Variants in NT5DC2 observed in about 807,000 individuals in gnomAD.
The protein encoded by NT5DC2 is 5'-nucleotidase domain-containing protein 2.
A neutral mutation model predicts 70.0 loss-of-function variants in NT5DC2; 41 were observed. The ratio of observed to expected loss-of-function variants is 0.59; its 90% CI spans 0.46 to 0.76. The LOEUF (loss-of-function observed/expected upper bound fraction) is 0.76. NT5DC2 is among the 30% of genes least tolerant of loss of function. The probability of loss-of-function intolerance (pLI) is 0.00; values close to 1 mark genes in which losing one functional copy is unlikely to be tolerated. For synonymous variants in NT5DC2, 299 were observed against 310.4 expected, an observed-to-expected ratio of 0.96 and a Z score of 0.39; for missense variants, 705 against 783.2, an observed-to-expected ratio of 0.90 and a Z score of 1.19.
Position 52,528,196 on chromosome 3 carries a change from TAG to T in NT5DC2, c.756_757del (p.Tyr253GlnfsTer33), listed in dbSNP as rs1171418118. The T allele has an allele frequency of 6.2e-7, 1 of 1,613,100 alleles. No individual in the cohort carries two copies. Among genetic ancestry groups the T allele is most frequent in the East Asian group, 2.2e-5 (1 of 44,892 alleles). On this transcript the variant is annotated frameshift_variant, in exon 6 of 14. Transcript: ENST00000422318. LOFTEE classifies it high-confidence loss of function. ...CAGCATCCTCACCGTCACGTCCTTG[TAG>T]AGATGTGCTTGGTCAAACTCCAGGC... is the stretch of plus-strand genomic sequence containing the variant.
chr3:52,527,645 T>G lies in NT5DC2; in HGVS notation c.1009A>C (p.Lys337Gln). Residue 337 changes from lysine to glutamine, a missense_variant, in exon 9 of 14, where the codon AAG becomes CAG. Physicochemically the swap from Lys to Gln is moderately conservative, Grantham distance 53. Transcript: ENST00000422318. ...CGCCGGTCAGTGAAGAAGCTGGGCT[T>G]GTCTGCCTGGACAATGACCACATCG... Reference protein sequence around the residue: ...LFDVVIVQADKPSFFTDRRKP... With the variant: ...LFDVVIVQADQPSFFTDRRKP... The G allele has an allele frequency of 6.2e-7, 1 of 1,613,144 alleles. No individual in the cohort carries two copies. The highest frequency in any genetic ancestry group is 8.5e-7 in the Non-Finnish European group (1 of 1,180,022).
At chr3:52,532,522 C>G (rs1164253055) in intron 1 of NT5DC2, 86 of 984,524 alleles carry the variant, frequency 8.7e-5, no homozygotes, top group Non-Finnish European at 8.6e-5. Flanking sequence ...AGTGAAAACC[C>G]CTGTCTAGCC....
rs1293099143 is a variant in NT5DC2 at position 52,529,541 on chromosome 3, C to G, written c.233-207G>C. 6.6e-6 allele frequency among the ~76,000 whole-genome samples: 1 copy of G among 152,100 alleles called. No individual in the cohort carries two copies. The highest frequency in any genetic ancestry group is 1.5e-5 in the Non-Finnish European group (1 of 68,002). On this transcript the variant is annotated intron_variant, in intron 1 of 13. Coordinates refer to ENST00000422318, the MANE Select transcript of NT5DC2 (RefSeq NM_001134231.2). This position sits in a 1 kb window ranked among gnomAD's most constrained non-coding sequence, Gnocchi z 4.1. ...ACGCAGTTAGGGTAAGGCAGAGCCC[C>G]TGGCTGGAGCTCCTCCTCATGGTTA...
rs1344689545 is a variant in NT5DC2 at position 52,524,729 on chromosome 3, C to T, written c.1415G>A (p.Cys472Tyr). ...CGCATTGAACAGGGCCTTGGTGATG[C>T]ACCTGGCGAGGGAGACACGATGCGC... Reference protein sequence around the residue: ...AWMKERQELRCITKALFNAQF... With the variant: ...AWMKERQELRYITKALFNAQF... Residue 472 changes from cysteine to tyrosine, a missense_variant and splice_region_variant, in exon 14 of 14, where the codon TGC becomes TAC. Physicochemically the swap from Cys to Tyr is radical, Grantham distance 194. Coordinates refer to ENST00000422318, the MANE Select transcript of NT5DC2 (RefSeq NM_001134231.2). 1 of 1,612,656 alleles carries T rather than the reference C, an allele frequency of 6.2e-7. No individual in the cohort carries two copies. The highest frequency in any genetic ancestry group is 2.2e-5 in the East Asian group (1 of 44,866).
rs1408096418 is a variant in NT5DC2, at chr3:52,529,443, C to G, written c.233-109G>C. The G allele has an allele frequency of 1.0e-6, 1 of 997,256 alleles. No individual in the cohort carries two copies. The highest frequency in any genetic ancestry group is 1.5e-6 in the Non-Finnish European group (1 of 667,800). The allele number at this position is 997,256 out of a possible 1,614,324, so 61.8% of individuals were successfully genotyped here. ...TAGCCCTGTGAGCCTCAGAAACGCC[C>G]CACAATGGCACCTCTTATTCCAGTG... On this transcript the variant is annotated intron_variant, in intron 1 of 13. Transcript: ENST00000422318. The surrounding 1 kb of genome is among the most constrained non-coding windows in gnomAD (Gnocchi z 4.1).
chr3:52,533,374 C>G (rs1019826826), intron 1 of NT5DC2, 132 bp downstream of exon 1: 1 of 993,958 alleles, frequency 1.0e-6, no homozygotes, highest in African/African-American at 1.7e-5. Context: ...AAAAGCCGCC[C>G]GGCCCTTGCG....
chr3:52,524,432 GAGGGGCTGA>G lies in NT5DC2; in HGVS notation c.*29_*37del. On this transcript the variant is annotated 3_prime_UTR_variant, in exon 14 of 14. Coordinates refer to ENST00000422318, the MANE Select transcript of NT5DC2 (RefSeq NM_001134231.2). ...TTGCTTGTCTGGGTGGATGGGGCAGGAGGGGCTGAGGGCCTGTCCCAGACAATAAAGGTG... is the reference window on the plus strand; with the variant it reads ...TTGCTTGTCTGGGTGGATGGGGCAGGGGGCCTGTCCCAGACAATAAAGGTG... 1 of 1,611,988 alleles carries G rather than the reference GAGGGGCTGA, an allele frequency of 6.2e-7. No homozygotes were observed.
At chr3:52,532,656 G>C (rs1272845170) in intron 1 of NT5DC2, 2 of 222,758 alleles carry the variant, frequency 9.0e-6, no homozygotes. Context: ...ACCCAACCCT[G>C]GGACAGAGAG....
Position 52,528,930 on chromosome 3 carries a change from TG to T in NT5DC2, c.422del (p.Pro141GlnfsTer27). 1 of 1,614,004 alleles carries T rather than the reference TG, an allele frequency of 6.2e-7. No individual in the cohort carries two copies. The highest frequency in any genetic ancestry group is 8.5e-7 in the Non-Finnish European group (1 of 1,180,008). On this transcript the variant is annotated frameshift_variant, in exon 3 of 14. Transcript: ENST00000422318. LOFTEE classifies it high-confidence loss of function. Reference sequence around the variant, plus strand: ...TGTAGTCATACTTCCGAATCCCTTCTGGGTACTGCCGGGGGAAAGGGGCCAG... The same window carrying T: ...TGTAGTCATACTTCCGAATCCCTTCTGGTACTGCCGGGGGAAAGGGGCCAG... ...RDILIEHYKYPEGIRKYDYNP... is the reference protein window; with the variant it reads ...RDILIEHYKYXEGIRKYDYNP...
At chr3:52,525,154 G>C (rs750578379) in intron 11 of NT5DC2, 51 bp from the exon 12 acceptor site, 35 of 98,086 alleles carry the variant, frequency 3.6e-4, no homozygotes, top group East Asian at 1.1e-3. Context: ...CTGGGGGCGG[G>C]GGGGGGGGGG....
rs147264482 is a variant in NT5DC2, at chr3:52,524,595, G to A, written c.1549C>T (p.Arg517Cys). The A allele has an allele frequency of 1.3e-5, 21 of 1,613,094 alleles. No individual in the cohort carries two copies. Among genetic ancestry groups the A allele is most frequent in the Middle Eastern group, 3.3e-4 (2 of 6,084 alleles). Residue 517 changes from arginine to cysteine, a missense_variant, in exon 14 of 14, where the codon CGC becomes TGC. Physicochemically the swap from Arg to Cys is radical, Grantham distance 180. Coordinates refer to ENST00000422318, the MANE Select transcript of NT5DC2 (RefSeq NM_001134231.2). ...CGTGGGTAGAAGGTGAAGTCCACGC[G>A]GTAGTTGAGCAGGCAGCTGAGGGAG... ...MASLSCLLNYRVDFTFYPRRT... is the reference protein window; with the variant it reads ...MASLSCLLNYCVDFTFYPRRT...
chr3:52,533,362 C>A (rs2079385983), intron 1 of NT5DC2, 144 bp downstream of exon 1: 4 of 872,652 alleles, frequency 4.6e-6, no homozygotes, highest in Non-Finnish European at 6.3e-6. Flanking sequence ...GAGCTTCTCG[C>A]GAAAAGCCGC....
At chr3:52,528,134 G>A (rs770688443) in intron 6 of NT5DC2, 49 bp downstream of exon 6, 2 of 1,612,968 alleles carry the variant, frequency 1.2e-6, no homozygotes, top group Non-Finnish European at 1.7e-6. Context: ...TCCCACTGTG[G>A]CTGGACTTAG....
chr3:52,528,000 T>C lies in NT5DC2; in HGVS notation c.832+13A>G, dbSNP rs367558577. The C allele has an allele frequency of 1.7e-5, 27 of 1,612,816 alleles. No individual in the cohort carries two copies. In the African/African-American group the frequency reaches 3.1e-4, roughly 18 times the overall value. On this transcript the variant is annotated intron_variant, in intron 7 of 13. Transcript: ENST00000422318. ...CTCAGGCCGGCCACGGCAGGGCTTC[T>C]GTCCACACTTACCCATGTCCTGCTC... is the stretch of plus-strand genomic sequence containing the variant.
chr3:52,530,288 A>G (rs996307455), intron 1 of NT5DC2, among the ~76,000 whole-genome samples: 4 of 152,244 alleles, frequency 2.6e-5, no homozygotes, highest in Non-Finnish European at 5.9e-5. Context: ...TGAGGCCCAC[A>G]GCAGGGTGCT....
chr3:52,529,446 CA>C lies in NT5DC2; in HGVS notation c.233-113del, dbSNP rs2079330866. The C allele has an allele frequency of 7.4e-6, 7 of 952,146 alleles. No homozygotes were observed. The highest frequency in any genetic ancestry group is 1.6e-5 in the African/African-American group (1 of 61,392). 59.0% of individuals were successfully genotyped at this position (952,146 alleles called of 1,614,324 possible). On this transcript the variant is annotated intron_variant, in intron 1 of 13. Coordinates refer to ENST00000422318, the MANE Select transcript of NT5DC2 (RefSeq NM_001134231.2). This position sits in a 1 kb window ranked among gnomAD's most constrained non-coding sequence, Gnocchi z 4.1. The stretch of plus-strand genomic sequence containing the variant: ...CCCTGTGAGCCTCAGAAACGCCCCA[CA>C]ATGGCACCTCTTATTCCAGTGCTGG...
intron 2 of NT5DC2, 50 bp from the exon 3 acceptor site, chr3:52,528,985 C>G (rs766533957): frequency 6.2e-7 from 1 of 1,607,646 alleles, no homozygotes; most frequent in East Asian, 2.2e-5. Flanking sequence ...GCCAGACCTG[C>G]TGGCTGGGTG....
upstream of NT5DC2, chr3:52,533,870 C>T (rs2079395724): frequency 1.0e-6 from 1 of 976,630 alleles, no homozygotes; most frequent in Non-Finnish European, 1.2e-6. Context: ...GTGCGGCGCG[C>T]GGAGCCCGGC....
In NT5DC2 at chr3:52,524,485, C is replaced by T; in HGVS notation, c.1659G>A (p.Met553Ile). The change falls in exon 14 of 14, where the codon ATG (methionine) becomes ATA (isoleucine). Residue 553 changes from methionine to isoleucine, a missense_variant. Coordinates refer to ENST00000422318, the MANE Select transcript of NT5DC2 (RefSeq NM_001134231.2). Reference sequence around the variant, plus strand: ...AAAGGTGCCCTCAGCGGATGTGGGCCATGTCACCAAGGAAGGGGGTCTTCA... The same window carrying T: ...AAAGGTGCCCTCAGCGGATGTGGGCTATGTCACCAAGGAAGGGGGTCTTCA... ...GCMKTPFLGD[M>I]AHIR 6.2e-7 allele frequency: 1 copy of T among 1,612,864 alleles called. No homozygotes were observed. Among genetic ancestry groups the T allele is most frequent in the Non-Finnish European group, 8.5e-7 (1 of 1,180,016 alleles).
Sources: gnomAD v4.1 joint callset for allele counts (sites outside exome capture counted in the v4.1 genomes callset) on GRCh38, gnomAD v4.1.1 for gene constraint, Gnocchi (gnomAD v3.1) non-coding constraint, MANE v1.5 for transcripts, NCBI Gene and HGNC (gene_info 2026-07-23, HGNC 2026-07-21) for gene names.